The following INTS6 variants were observed in gnomAD, a reference collection of about 807,000 sequenced individuals.
INTS6 encodes DEAD box protein.
A neutral mutation model predicts 104.9 loss-of-function variants in INTS6; 16 were observed. The observed-to-expected ratio is 0.15, with a 90% CI of 0.10 to 0.23. The LOEUF (loss-of-function observed/expected upper bound fraction) is 0.23, where lower values mean the gene tolerates loss of function less well. Among genes scored for constraint, INTS6 ranks in the 10% least tolerant of loss-of-function variants. INTS6 has a pLI of 1.00. For synonymous variants in INTS6, 324 were observed against 358.7 expected, an observed-to-expected ratio of 0.90 and a Z score of 1.09; for missense variants, 584 against 1,062.8, an observed-to-expected ratio of 0.55 and a Z score of 6.26.
At chr13:51,375,989 C>T (rs1955923126) in intron 13 of INTS6, 59 bp downstream of exon 13, 5 of 1,402,062 alleles carry the variant, frequency 3.6e-6, no homozygotes, top group African/African-American at 2.9e-5. Context: ...CCATGCTATG[C>T]TTTTTCAGAC....
At chr13:51,403,465 C>T (rs1166960128) in intron 4 of INTS6, among the ~76,000 whole-genome samples, 2 of 151,774 alleles carry the variant, frequency 1.3e-5, no homozygotes, top group Non-Finnish European at 1.5e-5. Context: ...GCCCGTAGTC[C>T]CAGCTACTCA....
At chr13:51,382,242 C>T (rs1045953654) in intron 9 of INTS6, 119 bp from the exon 10 acceptor site, 4 of 481,090 alleles carry the variant, frequency 8.3e-6, no homozygotes, top group African/African-American at 6.2e-5. Context: ...TAACATCAGA[C>T]GTTTTTTAAC....
chr13:51,403,594 G>GAAAAAAAAAAGA (rs1555287281), intron 4 of INTS6, among the ~76,000 whole-genome samples: 37 of 63,014 alleles, frequency 5.9e-4, no homozygotes, highest in African/African-American at 1.6e-3. Context: ...AAAAAAAAAA[G>GAAAAAAAAAAGA]AAAAAAAAAA....
chr13:51,435,759 C>T (rs1957175533), intron 3 of INTS6, among the ~76,000 whole-genome samples: 1 of 152,020 alleles, frequency 6.6e-6, no homozygotes, highest in Non-Finnish European at 1.5e-5. Flanking sequence ...TTAAACGGGT[C>T]ATAAAATCTT....
chr13:51,369,277 T>C lies in INTS6; in HGVS notation c.2138A>G (p.Asp713Gly). Residue 713 changes from aspartate (D) to glycine (G), a missense_variant, in exon 16 of 18, where the codon GAT becomes GGT. Physicochemically the swap from Asp to Gly is moderately conservative, Grantham distance 94. This residue lies in a region of INTS6 where 296 missense variants were observed against 437.0 expected (regional missense o/e 0.68). Transcript: ENST00000311234. ...SETTNDSIIHDVVENHVADQL... is the reference protein window; with the variant it reads ...SETTNDSIIHGVVENHVADQL... The stretch of plus-strand genomic sequence containing the variant: ...GTCTGCAACATGATTTTCAACCACA[T>C]CATGTATTATCGAATCATTAGTGGT... The C allele has an allele frequency of 1.2e-6, 2 of 1,611,598 alleles. No homozygotes were observed. The highest frequency in any genetic ancestry group is 1.7e-6 in the Non-Finnish European group (2 of 1,178,444).
At chr13:51,413,365 C>T (rs1042003021) in intron 4 of INTS6, among the ~76,000 whole-genome samples, 5 of 152,124 alleles carry the variant, frequency 3.3e-5, no homozygotes, top group African/African-American at 1.2e-4. Context: ...TAAGTCTTCT[C>T]TAACCCCTGT....
At chr13:51,381,938 T>C (rs1956057690) in intron 10 of INTS6, 91 bp downstream of exon 10, 3 of 651,662 alleles carry the variant, frequency 4.6e-6, no homozygotes, top group Non-Finnish European at 7.7e-6. Flanking sequence ...CCTGACCTCA[T>C]GATCCACCCG....
downstream of INTS6, chr13:51,361,535 G>A (rs1031198692): frequency 2.9e-5 from 17 of 591,342 alleles, no homozygotes; most frequent in African/African-American, 2.1e-4. Flanking sequence ...GAAAAATGAC[G>A]GGGAAGAAGA....
chr13:51,401,232 AACTAT>A (rs748812223), intron 4 of INTS6, among the ~76,000 whole-genome samples: 12 of 152,002 alleles, frequency 7.9e-5, no homozygotes, highest in Non-Finnish European at 1.6e-4. Flanking sequence ...ACTTCCTGAA[AACTAT>A]ATATGCATTC....
At chr13:51,394,262 T>C (rs1230114746) in intron 5 of INTS6, among the ~76,000 whole-genome samples, 2 of 152,172 alleles carry the variant, frequency 1.3e-5, no homozygotes, top group Non-Finnish European at 2.9e-5. Context: ...TGTGAAGGCA[T>C]TACGAAAGTT....
chr13:51,347,982 G>GAA, the INTS6 span, among the ~76,000 whole-genome samples: 3 of 152,040 alleles, frequency 2.0e-5, no homozygotes, highest in Non-Finnish European at 4.4e-5. Flanking sequence ...CAGTCCTAGA[G>GAA]AACCTCTAAC....
Position 51,364,902 on chromosome 13 carries a change from T to C in INTS6, c.*850A>G, listed in dbSNP as rs1217536532. 1.3e-5 allele frequency: 2 copies of C among 152,290 alleles called. No individual in the cohort carries two copies. Among genetic ancestry groups the C allele is most frequent in the African/African-American group, 4.8e-5 (2 of 41,440 alleles). 9.4% of individuals were successfully genotyped at this position (152,290 alleles called of 1,614,324 possible). The stretch of plus-strand genomic sequence containing the variant: ...ACAATCCTAGTGATAAAGGAAAAGG[T>C]GTTGAAGTAAGGAAACCAATAATAT... On this transcript the variant is annotated 3_prime_UTR_variant, in exon 18 of 18. Coordinates refer to ENST00000311234, the MANE Select transcript of INTS6 (RefSeq NM_012141.3).
chr13:51,403,381 G>A (rs571659207), intron 4 of INTS6, among the ~76,000 whole-genome samples: 1 of 152,090 alleles, frequency 6.6e-6, no homozygotes, highest in Non-Finnish European at 1.5e-5. Context: ...AGCAGATCGA[G>A]ACCATTCTGG....
Position 51,428,620 on chromosome 13 carries a change from G to A in INTS6, c.429+1674C>T, listed in dbSNP as rs1053031360. 4.6e-5 allele frequency among the ~76,000 whole-genome samples: 7 copies of A among 151,766 alleles called. No homozygotes were observed. The South Asian group carries it at 1.0e-3, about 23-fold the overall frequency. ...ATTACAGGTGTGAACCACCACGCCCGGCTAAAATGAATTTTTATTGCTTGC... is the reference window on the plus strand; with the variant it reads ...ATTACAGGTGTGAACCACCACGCCCAGCTAAAATGAATTTTTATTGCTTGC... On this transcript the variant is annotated intron_variant, in intron 4 of 17. Coordinates refer to ENST00000311234, the MANE Select transcript of INTS6 (RefSeq NM_012141.3).
intron 15 of INTS6, among the ~76,000 whole-genome samples, chr13:51,371,261 C>A (rs1337318953): frequency 6.6e-6 from 1 of 152,184 alleles, no homozygotes; most frequent in Non-Finnish European, 1.5e-5. Flanking sequence ...TCCCCAGCTT[C>A]TCTCTAAAGA....
At chr13:51,421,304 C>CT in intron 4 of INTS6, 1 of 985,566 alleles carries the variant, frequency 1.0e-6, no homozygotes, top group Non-Finnish European at 1.2e-6. Flanking sequence ...CACTTTAGCA[C>CT]TTCTTGAAAA....
At chr13:51,380,432 T>C (rs997404901) in intron 10 of INTS6, among the ~76,000 whole-genome samples, 1 of 152,170 alleles carries the variant, frequency 6.6e-6, no homozygotes, top group Non-Finnish European at 1.5e-5. Flanking sequence ...AGCCCTGATA[T>C]TTAACACCTA....
intron 4 of INTS6, among the ~76,000 whole-genome samples, chr13:51,410,518 A>C (rs1035114723): frequency 1.3e-5 from 2 of 152,202 alleles, no homozygotes; most frequent in African/African-American, 4.8e-5. Context: ...ATATGTCAAA[A>C]ATAAACCTCA....
chr13:51,421,583 A>G (rs555443782), intron 4 of INTS6, among the ~76,000 whole-genome samples: 1 of 152,314 alleles, frequency 6.6e-6, no homozygotes, highest in Non-Finnish European at 1.5e-5. Context: ...AGAACAAGTG[A>G]AAGTGGAAGT....
Sources: allele counts gnomAD v4.1 joint callset (sites outside exome capture counted in the v4.1 genomes callset), GRCh38; gene constraint gnomAD v4.1.1; regional missense constraint gnomAD v4.1.1; transcripts MANE v1.5; gene names NCBI Gene and HGNC (gene_info 2026-07-23, HGNC 2026-07-21).